The following RAB12 variants were observed in gnomAD, a reference collection of about 807,000 sequenced individuals.
RAB12 encodes ras-related protein Rab-12.
RAB12 carries 11 observed loss-of-function variants against 28.4 expected under a neutral mutation model. The ratio of observed to expected loss-of-function variants is 0.39; its 90% CI spans 0.24 to 0.64. RAB12 has a LOEUF of 0.64. RAB12 is among the 30% of genes least tolerant of loss of function. The pLI is 0.50. For missense variants in RAB12, 276 were observed against 351.1 expected (o/e 0.79, Z 1.71); for synonymous variants, 138 against 145.3 (o/e 0.95, Z 0.36).
chr18:8,638,274 GGAGA>G lies in RAB12; in HGVS notation c.*13_*16del. 6.4e-7 allele frequency: 1 copy of G among 1,572,136 alleles called. No homozygotes were observed. Among genetic ancestry groups the G allele is most frequent in the Non-Finnish European group, 8.8e-7 (1 of 1,142,714 alleles). On this transcript the variant is annotated 3_prime_UTR_variant, in exon 6 of 6. Transcript: ENST00000649141. ...TCCGATGCTGTTGATTTCCTACTTT[GGAGA>G]CAAAGTGGAAATGATTCCTGGAAAG...
chr18:8,633,172 T>C lies in RAB12; in HGVS notation c.576-17T>C, dbSNP rs761414873. 1.9e-6 allele frequency: 3 copies of C among 1,613,996 alleles called. No individual in the cohort carries two copies. Among genetic ancestry groups the C allele is most frequent in the Non-Finnish European group, 2.5e-6 (3 of 1,179,960 alleles). On this transcript the variant is annotated splice_polypyrimidine_tract_variant and intron_variant, in intron 2 of 5. Transcript: ENST00000649141. ...TTGGGCATTATTTGGGAACTGACTT[T>C]GGCTGCTTTTTCTTAGGGACACAGC...
At chr18:8,620,165 C>CTAAAAA (rs2096009078) in intron 1 of RAB12, among the ~76,000 whole-genome samples, 1 of 75,430 alleles carries the variant, frequency 1.3e-5, no homozygotes, top group Non-Finnish European at 2.3e-5. Context: ...TTTTTTGCTT[C>CTAAAAA]AAAAAAAAAA....
At chr18:8,633,473 G>A in intron 3 of RAB12, 146 bp downstream of exon 3, 1 of 893,130 alleles carries the variant, frequency 1.1e-6, no homozygotes, top group Non-Finnish European at 1.7e-6. Flanking sequence ...TCGGGATAGG[G>A]ATGTAGTCCT....
intron 2 of RAB12, among the ~76,000 whole-genome samples, chr18:8,625,430 T>G (rs2096012104): frequency 6.6e-6 from 1 of 152,208 alleles, no homozygotes; most frequent in South Asian, 2.1e-4. Context: ...TTCCAGAGCT[T>G]CTTGGTGGCA....
intron 1 of RAB12, among the ~76,000 whole-genome samples, chr18:8,614,213 T>C (rs1332769893): frequency 6.6e-6 from 1 of 152,226 alleles, no homozygotes; most frequent in African/African-American, 2.4e-5. Context: ...ATAATTATCC[T>C]ATGGTATTAG....
rs1235114465 is a variant in RAB12 at position 8,639,266 on chromosome 18, GTAAT to G, written c.*1008_*1011del. The G allele has an allele frequency of 2.1e-5, 3 of 144,222 alleles. No homozygotes were observed. The highest frequency in any genetic ancestry group is 7.7e-5 in the African/African-American group (3 of 39,046). The allele number at this position is 144,222 out of a possible 1,614,324, so 8.9% of individuals were successfully genotyped here. ...AACTGCACTGTTTTGTTTAGTCAAG[GTAAT>G]TAAGTAATTATGTATTTGAATAACT... is the stretch of plus-strand genomic sequence containing the variant. On this transcript the variant is annotated 3_prime_UTR_variant, in exon 6 of 6. Coordinates refer to ENST00000649141, the MANE Select transcript of RAB12 (RefSeq NM_001025300.3).
intron 3 of RAB12, among the ~76,000 whole-genome samples, chr18:8,634,166 A>ATCTTTTT: frequency 7.0e-6 from 1 of 142,062 alleles, no homozygotes; most frequent in Non-Finnish European, 1.6e-5. Context: ...GTGGCCAGGC[A>ATCTTTTT]TGGTGACTCA....
intron 2 of RAB12, among the ~76,000 whole-genome samples, chr18:8,628,064 C>T (rs1456292495): frequency 6.6e-6 from 1 of 152,050 alleles, no homozygotes; most frequent in African/African-American, 2.4e-5. Flanking sequence ...CTGTAGTAAA[C>T]GATGATTGAG....
chr18:8,622,273 A>C (rs774162344), intron 1 of RAB12, among the ~76,000 whole-genome samples: 1 of 152,272 alleles, frequency 6.6e-6, no homozygotes, highest in Non-Finnish European at 1.5e-5. Flanking sequence ...AAACTAACTT[A>C]CTTGAAGAAA....
chr18:8,611,800 T>TA (rs899174215), intron 1 of RAB12, among the ~76,000 whole-genome samples: 2 of 152,206 alleles, frequency 1.3e-5, no homozygotes, highest in African/African-American at 4.8e-5. Flanking sequence ...AACATGCACT[T>TA]ACCCGAGCAC....
chr18:8,636,618 G>A (rs2096019100), intron 5 of RAB12, among the ~76,000 whole-genome samples: 1 of 152,158 alleles, frequency 6.6e-6, no homozygotes, highest in African/African-American at 2.4e-5. Context: ...GACTTAACAG[G>A]GTGTAGCAAT....
intron 3 of RAB12, among the ~76,000 whole-genome samples, chr18:8,634,378 T>C (rs898986303): frequency 6.8e-6 from 1 of 146,196 alleles, no homozygotes; most frequent in African/African-American, 2.5e-5. Context: ...TGCCCCAGCC[T>C]GCTCTGCACT....
At chr18:8,628,236 G>A (rs1400779846) in intron 2 of RAB12, among the ~76,000 whole-genome samples, 3 of 152,198 alleles carry the variant, frequency 2.0e-5, no homozygotes, top group Non-Finnish European at 2.9e-5. Flanking sequence ...CTGAAAAGGA[G>A]AGATTTGTGT....
At chr18:8,610,438 G>A (rs558505637) in intron 1 of RAB12, among the ~76,000 whole-genome samples, 8 of 152,352 alleles carry the variant, frequency 5.3e-5, no homozygotes, top group Admixed American at 5.2e-4. Context: ...CACCTATGGA[G>A]AATGTTAAAA....
Position 8,609,694 on chromosome 18 carries a change from C to T in RAB12, c.255C>T (p.Gly85=). 1 of 964,830 alleles carries T rather than the reference C, an allele frequency of 1.0e-6. No individual in the cohort carries two copies. The allele number at this position is 964,830 out of a possible 1,614,324, so 59.8% of individuals were successfully genotyped here. ...CGCGCAGCCGGGGGGCGGGCGGCGG[C>T]GGGCGGCGGGCCGAGCGGGAGCCGC... ...PGARSRGAGG[G]GRRAEREPHA... is the part of the protein sequence containing the mutation. Residue 85 remains glycine (G), a synonymous_variant, in exon 1 of 6, where the codon GGC becomes GGT. Transcript: ENST00000649141.
intron 2 of RAB12, among the ~76,000 whole-genome samples, chr18:8,625,283 T>G (rs1206431982): frequency 6.6e-6 from 1 of 152,254 alleles, no homozygotes; most frequent in Non-Finnish European, 1.5e-5. Context: ...ATTTACGTGA[T>G]ATCAAAACTG....
Position 8,636,516 on chromosome 18 carries a change from G to A in RAB12, c.909+159G>A, listed in dbSNP as rs564817021. On this transcript the variant is annotated intron_variant, in intron 5 of 5. Transcript: ENST00000649141. ...GTTGTTAACTCAGCCACAGGCACCC[G>A]GCCTGCTGTAGCCGTTTCCCACCCA... 1.8e-4 allele frequency among the ~76,000 whole-genome samples: 28 copies of A among 152,290 alleles called. No individual in the cohort carries two copies. The South Asian group carries it at 2.7e-3, about 15-fold the overall frequency.
chr18:8,635,679 G>T, intron 4 of RAB12, 57 bp downstream of exon 4: 3 of 1,040,394 alleles, frequency 2.9e-6, no homozygotes, highest in Non-Finnish European at 4.1e-6. Context: ...TTGAGGTACT[G>T]TTTCTTTTAA....
At chr18:8,635,989 G>A (rs767451667) in intron 4 of RAB12, among the ~76,000 whole-genome samples, 1 of 152,202 alleles carries the variant, frequency 6.6e-6, no homozygotes, top group African/African-American at 2.4e-5. Context: ...TTAAATGTCA[G>A]ATATGTTACA....
Sources: gnomAD v4.1 joint callset for allele counts (sites outside exome capture counted in the v4.1 genomes callset) on GRCh38, gnomAD v4.1.1 for gene constraint, MANE v1.5 for transcripts, NCBI Gene and HGNC (gene_info 2026-07-23, HGNC 2026-07-21) for gene names.